Variants in SPHKAP observed in about 807,000 individuals in gnomAD.
SPHKAP encodes SPHK1 interactor, AKAP domain containing.
In SPHKAP, 67 loss-of-function variants were observed where a neutral mutation model predicts 137.5. That is an observed-to-expected ratio of 0.49 (90% CI 0.40 to 0.60). The LOEUF is 0.60. Among genes scored for constraint, SPHKAP ranks in the 20% least tolerant of loss-of-function variants. SPHKAP has a pLI of 0.00. For missense variants in SPHKAP, 2,097 were observed against 2,069.3 expected (o/e 1.01, Z -0.26); for synonymous variants, 813 against 785.3 (o/e 1.04, Z -0.59).
At chr2:228,144,808 A>G (rs1483909319) in intron 1 of SPHKAP, among the ~76,000 whole-genome samples, 3 of 152,204 alleles carry the variant, frequency 2.0e-5, no homozygotes, top group African/African-American at 7.2e-5. Flanking sequence ...ATGAGTTGTC[A>G]TGGGTCCCAC....
chr2:228,119,472 C>CA (rs1698839436), intron 2 of SPHKAP, among the ~76,000 whole-genome samples: 1 of 137,194 alleles, frequency 7.3e-6, no homozygotes, highest in East Asian at 2.0e-4. Context: ...CACACACACA[C>CA]TCTCTCTCTC....
intron 1 of SPHKAP, among the ~76,000 whole-genome samples, chr2:228,147,428 T>C (rs1699806843): frequency 1.3e-5 from 2 of 152,206 alleles, no homozygotes; most frequent in African/African-American, 4.8e-5. Context: ...ACCAGTAGAA[T>C]TAATGAGGCA....
Position 228,021,720 on chromosome 2 carries a change from A to T in SPHKAP, c.688T>A (p.Ser230Thr), listed in dbSNP as rs759064076. The T allele has an allele frequency of 1.2e-6, 2 of 1,612,554 alleles. No individual in the cohort carries two copies. Among genetic ancestry groups the T allele is most frequent in the Admixed American group, 1.7e-5 (1 of 59,778 alleles). The change falls in exon 6 of 12, where the codon TCT becomes ACT. Residue 230 changes from serine (S) to threonine (T), a missense_variant. By Grantham distance (58) the Ser-to-Thr change is moderately conservative. Transcript: ENST00000392056. ...ATTGGAAAGTTCTCACCGTTCCTAG[A>T]TTCATCCACCTCGCTTTCCTCCTCC... is the stretch of plus-strand genomic sequence containing the variant. ...HLEEESEVDE[S>T]RNDYENINVS...
intron 1 of SPHKAP, among the ~76,000 whole-genome samples, chr2:228,140,566 G>C (rs1699575034): frequency 6.6e-6 from 1 of 152,112 alleles, no homozygotes; most frequent in Admixed American, 6.5e-5. Context: ...TTATAGAGGA[G>C]AAACTGAGGA....
At chr2:228,176,223 T>C (rs999663723) in intron 1 of SPHKAP, among the ~76,000 whole-genome samples, 1 of 152,182 alleles carries the variant, frequency 6.6e-6, no homozygotes, top group Non-Finnish European at 1.5e-5. Context: ...TTTCCACCTC[T>C]GGGGGAACAT....
At chr2:228,091,868 TAAA>T (rs1697747494) in intron 3 of SPHKAP, among the ~76,000 whole-genome samples, 1 of 151,880 alleles carries the variant, frequency 6.6e-6, no homozygotes, top group Admixed American at 6.6e-5. Context: ...GGAGAGTCCT[TAAA>T]GAACTAAAAG....
At chr2:228,150,611 T>C (rs1165109255) in intron 1 of SPHKAP, among the ~76,000 whole-genome samples, 1 of 150,334 alleles carries the variant, frequency 6.7e-6, no homozygotes, top group Non-Finnish European at 1.5e-5. Context: ...GTAATATCTA[T>C]AATGATGTTT....
At chr2:228,153,066 A>G (rs1408157736) in intron 1 of SPHKAP, among the ~76,000 whole-genome samples, 2 of 152,080 alleles carry the variant, frequency 1.3e-5, no homozygotes, top group East Asian at 1.9e-4. Flanking sequence ...GCTGCCATGT[A>G]AGATGTGCCT....
At chr2:228,003,260 T>C (rs532480171) in intron 7 of SPHKAP, among the ~76,000 whole-genome samples, 1 of 152,202 alleles carries the variant, frequency 6.6e-6, no homozygotes, top group Non-Finnish European at 1.5e-5. Context: ...TGGTTTGTAG[T>C]TCTCCTTGAA....
At chr2:227,990,979 T>C in intron 11 of SPHKAP, 21 bp downstream of exon 11, 1 of 1,609,808 alleles carries the variant, frequency 6.2e-7, no homozygotes. Context: ...TTTCTTGTTT[T>C]CCAAACCTGG....
chr2:228,040,804 A>T (rs1695808117), intron 3 of SPHKAP, among the ~76,000 whole-genome samples: 1 of 152,166 alleles, frequency 6.6e-6, no homozygotes, highest in Non-Finnish European at 1.5e-5. Flanking sequence ...ATTTAGTGTT[A>T]TTGTCTTAGA....
intron 7 of SPHKAP, among the ~76,000 whole-genome samples, chr2:228,014,539 C>T (rs1226784020): frequency 6.6e-6 from 1 of 152,168 alleles, no homozygotes. Flanking sequence ...TTCATGCTTT[C>T]TCCTTATTCT....
intron 4 of SPHKAP, among the ~76,000 whole-genome samples, chr2:228,026,903 A>G (rs1004071847): frequency 3.3e-5 from 5 of 152,254 alleles, no homozygotes; most frequent in Admixed American, 2.0e-4. Context: ...ACCAAATGGT[A>G]AATTCAAACC....
chr2:228,160,953 G>T (rs1271056889), intron 1 of SPHKAP, among the ~76,000 whole-genome samples: 2 of 152,150 alleles, frequency 1.3e-5, no homozygotes, highest in East Asian at 3.9e-4. Flanking sequence ...CTGACATTGT[G>T]TCAAATGCGA....
chr2:228,108,837 CA>C lies in SPHKAP; in HGVS notation c.240del (p.Cys80TrpfsTer7). 6.2e-7 allele frequency: 1 copy of C among 1,604,754 alleles called. No homozygotes were observed. The highest frequency in any genetic ancestry group is 1.1e-5 in the South Asian group (1 of 89,832). On this transcript the variant is annotated frameshift_variant, in exon 3 of 12. Coordinates refer to ENST00000392056, the MANE Select transcript of SPHKAP (RefSeq NM_001142644.2). LOFTEE classifies it high-confidence loss of function. ...CAAGAATTCTGTGTACTTACAGAAG[CA>C]CAGTTTTCAGACTTGTCTTCTACAA... Reference protein sequence around the residue: ...IGFVEDKSENCASVCFVNLDV... With the variant: ...IGFVEDKSENXASVCFVNLDV...
intron 3 of SPHKAP, among the ~76,000 whole-genome samples, chr2:228,099,364 A>G (rs1698111289): frequency 6.6e-6 from 1 of 152,040 alleles, no homozygotes; most frequent in Non-Finnish European, 1.5e-5. Context: ...TGGGTTCTCT[A>G]TTCTGTTCCA....
In SPHKAP at chr2:228,017,081, T is replaced by G. The variant is rs371548652; in HGVS notation, c.3773A>C (p.Asn1258Thr). The G allele has an allele frequency of 2.2e-5, 35 of 1,613,532 alleles. No individual in the cohort carries two copies. The highest frequency in any genetic ancestry group is 2.9e-5 in the Non-Finnish European group (34 of 1,179,846). ...RLTVNVPIKA[N>T]SLDGFAQNCP... Reference sequence around the variant, plus strand: ...GTTCTGAGCAAAGCCATCTAAAGAGTTGGCTTTGATGGGCACATTCACTGT... The same window carrying G: ...GTTCTGAGCAAAGCCATCTAAAGAGGTGGCTTTGATGGGCACATTCACTGT... Residue 1258 changes from asparagine (N) to threonine (T), a missense_variant, in exon 7 of 12, where the codon AAC (asparagine) becomes ACC (threonine). Asn to Thr is a moderately conservative substitution (Grantham distance 65). Transcript: ENST00000392056.
chr2:228,028,053 C>A (rs1695128020), intron 3 of SPHKAP: 1 of 985,200 alleles, frequency 1.0e-6, no homozygotes, highest in African/African-American at 1.7e-5. Flanking sequence ...CAGCTTCCCA[C>A]TGGTCACAAC....
intron 3 of SPHKAP, among the ~76,000 whole-genome samples, chr2:228,038,851 A>G (rs1695733113): frequency 6.6e-6 from 1 of 152,230 alleles, no homozygotes. Flanking sequence ...TATAGAATGA[A>G]TTCCAATGAA....
Sources: allele counts gnomAD v4.1 joint callset (sites outside exome capture counted in the v4.1 genomes callset), GRCh38; gene constraint gnomAD v4.1.1; transcripts MANE v1.5; gene names NCBI Gene and HGNC (gene_info 2026-07-23, HGNC 2026-07-21).